Variants in C6orf132 observed in about 807,000 individuals in gnomAD.
C6orf132 encodes chromosome 6 open reading frame 132.
In C6orf132, 43 loss-of-function variants were observed where a neutral mutation model predicts 65.3. That is an observed-to-expected ratio of 0.66 (90% CI 0.52 to 0.85). The LOEUF (loss-of-function observed/expected upper bound fraction) is 0.85, where lower values mean the gene tolerates loss of function less well. Among genes scored for constraint, C6orf132 ranks in the 40% least tolerant of loss-of-function variants. The pLI is 0.00. For synonymous variants in C6orf132, 631 were observed against 654.1 expected (o/e 0.96, Z 0.54); for missense variants, 1,488 against 1,548.8 (o/e 0.96, Z 0.66).
intron 1 of C6orf132, among the ~76,000 whole-genome samples, chr6:42,133,941 G>GA (rs1286636127): frequency 1.3e-5 from 2 of 152,026 alleles, no homozygotes; most frequent in African/African-American, 4.8e-5. Flanking sequence ...AATTCCTGGT[G>GA]CCAAGCAGGA....
Position 42,106,645 on chromosome 6 carries a change from C to T in C6orf132, c.1267G>A (p.Ala423Thr), listed in dbSNP as rs572899502. 1.3e-6 allele frequency: 2 copies of T among 1,531,296 alleles called. No individual in the cohort carries two copies. The highest frequency in any genetic ancestry group is 2.4e-5 in the South Asian group (2 of 83,894). 94.9% of individuals were successfully genotyped at this position (1,531,296 alleles called of 1,614,324 possible). ...GTAAACCCAGCAGGTGGATGGGCTG[C>T]CTTCTGAGCACAGGGCAAAGGAGGT... ...AAPPLPCAQK[A>T]AHPPAGFTKT... is the part of the protein sequence containing the mutation. The change falls in exon 4 of 5, where the codon GCA becomes ACA. Residue 423 changes from alanine (A) to threonine (T), a missense_variant. By Grantham distance (58) the Ala-to-Thr change is moderately conservative. Transcript: ENST00000341865.
In C6orf132 at chr6:42,128,828, C is replaced by T. The variant is rs375138907; in HGVS notation, c.146-50G>A. On this transcript the variant is annotated intron_variant, in intron 1 of 4. Coordinates refer to ENST00000341865, the MANE Select transcript of C6orf132 (RefSeq NM_001164446.3). Reference sequence around the variant, plus strand: ...CCATAAGCTGGAGATCCAAGGCATCCGGCCACCCAAGTTTAATCTGCCCTT... The same window carrying T: ...CCATAAGCTGGAGATCCAAGGCATCTGGCCACCCAAGTTTAATCTGCCCTT... 78 of 1,395,952 alleles carry T rather than the reference C, an allele frequency of 5.6e-5. No individual in the cohort carries two copies. The African/African-American group carries it at 7.9e-4, about 14-fold the overall frequency. The allele number at this position is 1,395,952 out of a possible 1,614,324, so 86.5% of individuals were successfully genotyped here. A position where few individuals can be genotyped will look rare whatever the true frequency, so the allele number is the denominator to read the frequency against.
intron 2 of C6orf132, among the ~76,000 whole-genome samples, chr6:42,116,845 G>C (rs1766587235): frequency 6.6e-6 from 1 of 152,092 alleles, no homozygotes; most frequent in Non-Finnish European, 1.5e-5. Context: ...GGGGTCCTCA[G>C]TGGGGCACAA....
chr6:42,109,183 C>T lies in C6orf132; in HGVS notation c.328+1033G>A, dbSNP rs146074058. ...GGTGCGGTGGCTCACACCTGTAATC[C>T]GAGCACTTTAGGAGGCTGAGGCAGG... On this transcript the variant is annotated intron_variant, in intron 3 of 4. Transcript: ENST00000341865. 4.3e-3 allele frequency among the ~76,000 whole-genome samples: 657 copies of T among 152,174 alleles called. 5 individuals carry two copies. Among genetic ancestry groups the T allele is most frequent in the African/African-American group, 0.015 (631 of 41,534 alleles).
At chr6:42,130,812 G>A (rs1766840570) in intron 1 of C6orf132, among the ~76,000 whole-genome samples, 1 of 148,964 alleles carries the variant, frequency 6.7e-6, no homozygotes, top group Non-Finnish European at 1.5e-5. Flanking sequence ...TTTTTTTTTG[G>A]TTATATAGAT....
At chr6:42,133,770 A>ATTACT (rs1766893607) in intron 1 of C6orf132, among the ~76,000 whole-genome samples, 1 of 101,556 alleles carries the variant, frequency 9.8e-6, no homozygotes, top group African/African-American at 4.7e-5. Context: ...TATGCATAGG[A>ATTACT]TTACTTTAGA....
At chr6:42,138,850 A>ACACACACAC (rs1766991180) in intron 1 of C6orf132, among the ~76,000 whole-genome samples, 1 of 142,748 alleles carries the variant, frequency 7.0e-6, no homozygotes, top group Non-Finnish European at 1.5e-5. Context: ...CATGCATTTA[A>ACACACACAC]ACACACACAC....
At chr6:42,128,862 A>G (rs1582282010) in intron 1 of C6orf132, 84 bp from the exon 2 acceptor site, 1 of 969,148 alleles carries the variant, frequency 1.0e-6, no homozygotes, top group East Asian at 2.7e-5. Flanking sequence ...TTCAGCTCCC[A>G]GTGAGGAAAG....
chr6:42,127,359 G>A (rs1766783380), intron 2 of C6orf132, among the ~76,000 whole-genome samples: 1 of 152,212 alleles, frequency 6.6e-6, no homozygotes, highest in African/African-American at 2.4e-5. Context: ...AGAGAGCTGT[G>A]TGCTCAGCCC....
intron 4 of C6orf132, 47 bp from the exon 5 acceptor site, chr6:42,103,925 C>T (rs1766340747): frequency 8.0e-7 from 1 of 1,251,820 alleles, no homozygotes. Context: ...AGCTGGTTAG[C>T]CAACACGTCT....
chr6:42,121,934 C>T (rs891839133), intron 2 of C6orf132, among the ~76,000 whole-genome samples: 2 of 152,216 alleles, frequency 1.3e-5, no homozygotes, highest in Non-Finnish European at 2.9e-5. Context: ...GAAGCCCAGC[C>T]AGTTGTTTTC....
intron 1 of C6orf132, among the ~76,000 whole-genome samples, chr6:42,138,049 C>T (rs552501144): frequency 2.6e-4 from 40 of 152,300 alleles, no homozygotes; most frequent in Admixed American, 2.0e-3. Context: ...CGGATCGAGA[C>T]TCCGTCTCAA....
intron 1 of C6orf132, among the ~76,000 whole-genome samples, chr6:42,131,058 G>T (rs1454786668): frequency 1.3e-5 from 2 of 152,028 alleles, no homozygotes; most frequent in Non-Finnish European, 2.9e-5. Context: ...GCTAATTTTT[G>T]TATTTTTAGT....
At chr6:42,132,204 T>C (rs954603880) in intron 1 of C6orf132, among the ~76,000 whole-genome samples, 22 of 151,898 alleles carry the variant, frequency 1.4e-4, no homozygotes, top group Non-Finnish European at 3.1e-4. Flanking sequence ...AATTGTAAGA[T>C]AGTAAATTTG....
rs781530311 is a variant in C6orf132, at chr6:42,128,676, G to A, written c.248C>T (p.Pro83Leu). 86 of 1,550,696 alleles carry A rather than the reference G, an allele frequency of 5.5e-5. No homozygotes were observed. Among genetic ancestry groups the A allele is most frequent in the Non-Finnish European group, 7.4e-5 (85 of 1,146,606 alleles). The change falls in exon 2 of 5, where the codon CCG becomes CTG. Residue 83 changes from proline (P) to leucine (L), a missense_variant. Pro to Leu is a moderately conservative substitution (Grantham distance 98). Coordinates refer to ENST00000341865, the MANE Select transcript of C6orf132 (RefSeq NM_001164446.3). ...PRVRPLLTFLPLNAQENHGLA... is the reference protein window; with the variant it reads ...PRVRPLLTFLLLNAQENHGLA... ...TCAGAGCAGAACCGTACTCACCAGC[G>A]GAAGGAAGGTCAGCAGGGGCCGGAC...
At chr6:42,134,649 C>T (rs1445113331) in intron 1 of C6orf132, among the ~76,000 whole-genome samples, 1 of 151,890 alleles carries the variant, frequency 6.6e-6, no homozygotes, top group East Asian at 1.9e-4. Context: ...TGGTGGGTGC[C>T]TATAACCCCA....
intron 2 of C6orf132, among the ~76,000 whole-genome samples, chr6:42,119,710 G>A (rs1338915452): frequency 6.6e-6 from 1 of 151,752 alleles, no homozygotes; most frequent in Non-Finnish European, 1.5e-5. Context: ...GGCTGGTCTC[G>A]AACTCCAAGG....
chr6:42,136,270 G>A lies in C6orf132; in HGVS notation c.145+6030C>T, dbSNP rs148148613. The stretch of plus-strand genomic sequence containing the variant: ...ACCTGAGGACACTGAACACTTTGTC[G>A]GGCTGTTTCCCCACCTGTAAAATGA... On this transcript the variant is annotated intron_variant, in intron 1 of 4. Transcript: ENST00000341865. Among the ~76,000 whole-genome samples, 628 of 151,866 alleles carry A rather than the reference G, an allele frequency of 4.1e-3. 2 individuals carry two copies. Among genetic ancestry groups the A allele is most frequent in the African/African-American group, 7.6e-3 (314 of 41,352 alleles).
rs533938318 is a variant in C6orf132, at chr6:42,123,843, C to G, written c.252+4829G>C. 2.0e-5 allele frequency among the ~76,000 whole-genome samples: 3 copies of G among 152,314 alleles called. No individual in the cohort carries two copies. In the South Asian group the frequency reaches 6.2e-4, roughly 32 times the overall value. On this transcript the variant is annotated intron_variant, in intron 2 of 4. Coordinates refer to ENST00000341865, the MANE Select transcript of C6orf132 (RefSeq NM_001164446.3). ...CTTGACAACTGCTGTAGTCCTACCCCCTCTGAAGTTTGGTGGCTCAAATCC... is the reference window on the plus strand; with the variant it reads ...CTTGACAACTGCTGTAGTCCTACCCGCTCTGAAGTTTGGTGGCTCAAATCC...
Sources: gnomAD v4.1 joint callset for allele counts (sites outside exome capture counted in the v4.1 genomes callset) on GRCh38, gnomAD v4.1.1 for gene constraint, MANE v1.5 for transcripts, NCBI Gene and HGNC (gene_info 2026-07-23, HGNC 2026-07-21) for gene names.